The following COBLL1 variants were observed in gnomAD, a reference collection of about 807,000 sequenced individuals.
COBLL1 encodes the protein cordon-bleu protein-like 1.
Under a neutral mutation model 94.8 loss-of-function variants are expected in COBLL1, and 50 were observed. The ratio of observed to expected loss-of-function variants is 0.53; its 90% CI spans 0.42 to 0.67. The LOEUF (loss-of-function observed/expected upper bound fraction) is 0.67. Among genes scored for constraint, COBLL1 ranks in the 30% least tolerant of loss-of-function variants. The pLI, the probability that COBLL1 is intolerant of heterozygous loss-of-function variation, is 0.00. For synonymous variants in COBLL1, 448 were observed against 473.8 expected, an observed-to-expected ratio of 0.95 and a Z score of 0.71; for missense variants, 1,362 against 1,348.7, an observed-to-expected ratio of 1.01 and a Z score of -0.15.
At chr2:164,752,156 C>T (rs558007226) in intron 2 of COBLL1, among the ~76,000 whole-genome samples, 1 of 152,288 alleles carries the variant, frequency 6.6e-6, no homozygotes, top group South Asian at 2.1e-4. Context: ...GTATCAACAG[C>T]AGCTAATCCT....
intron 2 of COBLL1, among the ~76,000 whole-genome samples, chr2:164,789,354 T>G (rs544684743): frequency 6.6e-6 from 1 of 152,222 alleles, no homozygotes; most frequent in Admixed American, 6.5e-5. Context: ...TCATGTGTGT[T>G]TAGCCAGATG....
At chr2:164,755,280 G>A (rs1687340640) in intron 2 of COBLL1, among the ~76,000 whole-genome samples, 1 of 152,176 alleles carries the variant, frequency 6.6e-6, no homozygotes, top group South Asian at 2.1e-4. Flanking sequence ...CACAATGCAG[G>A]AGTGAAATAC....
In COBLL1 at chr2:164,817,534, G is replaced by A. The variant is rs192809411; in HGVS notation, c.41+23622C>T. On this transcript the variant is annotated intron_variant, in intron 2 of 13. Transcript: ENST00000652658. ...TGCCAAGCCTGTACGTTCTCCTCAC[G>A]CTACGTTACTCCTCAATCTCCAACA... Among the ~76,000 whole-genome samples, 7 of 152,102 alleles carry A rather than the reference G, an allele frequency of 4.6e-5. No individual in the cohort carries two copies. The East Asian group carries it at 1.4e-3, about 29-fold the overall frequency.
intron 7 of COBLL1, among the ~76,000 whole-genome samples, chr2:164,709,152 C>G (rs185165246): frequency 6.6e-6 from 1 of 152,162 alleles, no homozygotes; most frequent in African/African-American, 2.4e-5. Context: ...TTTTGTAAAA[C>G]AGAGTATTTA....
chr2:164,827,846 C>T (rs1434909301), intron 2 of COBLL1, among the ~76,000 whole-genome samples: 1 of 152,148 alleles, frequency 6.6e-6, no homozygotes, highest in African/African-American at 2.4e-5. Flanking sequence ...TGTTAAACAA[C>T]CTTGCCCGTG....
intron 2 of COBLL1, among the ~76,000 whole-genome samples, chr2:164,839,868 G>T (rs1199581970): frequency 6.6e-6 from 1 of 152,182 alleles, no homozygotes; most frequent in Non-Finnish European, 1.5e-5. Context: ...CCTGGGGAAA[G>T]AAAAGAAATG....
Position 164,692,414 on chromosome 2 carries a change from G to A in COBLL1, c.3124-17C>T. 6.4e-7 allele frequency: 1 copy of A among 1,574,328 alleles called. No individual in the cohort carries two copies. Among genetic ancestry groups the A allele is most frequent in the Non-Finnish European group, 8.6e-7 (1 of 1,158,256 alleles). On this transcript the variant is annotated splice_polypyrimidine_tract_variant and intron_variant, in intron 12 of 13. Coordinates refer to ENST00000652658, the MANE Select transcript of COBLL1 (RefSeq NM_001365672.2). ...GTTATTTTCCTACAAAAATAAATGT[G>A]AAATATTTATATGAATGCCAAGAAA...
rs555647970 is a variant in COBLL1 at position 164,772,456 on chromosome 2, C to T, written c.42-28581G>A. On this transcript the variant is annotated intron_variant, in intron 2 of 13. Transcript: ENST00000652658. ...ACATTTTAGATACATCTGATAATAG[C>T]AAGTAGATTTTTAATTTGAACATTA... Among the ~76,000 whole-genome samples the T allele has an allele frequency of 1.1e-3, 164 of 152,076 alleles. 4 individuals are homozygous for T. Among genetic ancestry groups the T allele is most frequent in the Admixed American group, 0.011 (163 of 15,252 alleles).
At position 164,704,457 on chromosome 2, in the gene COBLL1, C is replaced by T; in HGVS notation, c.1212G>A (p.Glu404=). 6.2e-7 allele frequency: 1 copy of T among 1,611,410 alleles called. No homozygotes were observed. Among genetic ancestry groups the T allele is most frequent in the African/African-American group, 1.3e-5 (1 of 74,986 alleles). Reference sequence around the variant, plus strand: ...AGGGTGTCATACCTGGGCTGGATAGCTCCTCAGGAGAGTTTGCTTCTGAAG... The same window carrying T: ...AGGGTGTCATACCTGGGCTGGATAGTTCCTCAGGAGAGTTTGCTTCTGAAG... ...DSASEANSPE[E]LSSPAGISSD... The change falls in exon 9 of 14, where the codon GAG becomes GAA. Residue 404 remains glutamate (E), a synonymous_variant. Transcript: ENST00000652658.
At chr2:164,818,756 G>T (rs1010873587) in intron 2 of COBLL1, among the ~76,000 whole-genome samples, 8 of 138,002 alleles carry the variant, frequency 5.8e-5, no homozygotes, top group Non-Finnish European at 9.1e-5. Flanking sequence ...GTATATATAT[G>T]TACTTATGTA....
chr2:164,797,605 G>A (rs1015295926), intron 2 of COBLL1, among the ~76,000 whole-genome samples: 1 of 151,876 alleles, frequency 6.6e-6, no homozygotes, highest in Non-Finnish European at 1.5e-5. Context: ...CCATGTACCC[G>A]GTCCTGCTTC....
At chr2:164,825,795 G>T (rs890257995) in intron 2 of COBLL1, among the ~76,000 whole-genome samples, 5 of 152,162 alleles carry the variant, frequency 3.3e-5, no homozygotes, top group African/African-American at 1.2e-4. Context: ...AAGTGATGTG[G>T]TTGCAGTCAT....
intron 9 of COBLL1, 21 bp downstream of exon 9, chr2:164,704,423 T>C (rs1389389227): frequency 2.0e-5 from 31 of 1,513,808 alleles, no homozygotes; most frequent in Non-Finnish European, 2.8e-5. Flanking sequence ...AATTACACCA[T>C]GTAGAATAAG....
Position 164,805,337 on chromosome 2 carries a change from C to CTATATATATATATA in COBLL1, c.41+35805_41+35818dup, listed in dbSNP as rs71028444. On this transcript the variant is annotated intron_variant, in intron 2 of 13. Transcript: ENST00000652658. ...TCTCTCTCTCTCTCTCTCTCTCTCTCTATATATATATATATATATATATAT... is the reference window on the plus strand; with the variant it reads ...TCTCTCTCTCTCTCTCTCTCTCTCTCTATATATATATATATATATATATATATATATATATATAT... 7.5e-3 allele frequency among the ~76,000 whole-genome samples: 127 copies of CTATATATATATATA among 16,962 alleles called. 5 individuals carry two copies. The highest frequency in any genetic ancestry group is 0.01 in the African/African-American group (44 of 4,312). The allele number at this position is 16,962 out of a possible 152,430, so 11.1% of individuals were successfully genotyped here. A position where few individuals can be genotyped will look rare whatever the true frequency, so the allele number is the denominator to read the frequency against.
intron 1 of COBLL1, among the ~76,000 whole-genome samples, chr2:164,673,716 C>T (rs926252922): frequency 6.6e-6 from 1 of 152,044 alleles, no homozygotes; most frequent in East Asian, 1.9e-4. Context: ...AGTGAATTCA[C>T]TTCACAGGAA....
intron 3 of COBLL1, among the ~76,000 whole-genome samples, chr2:164,733,956 G>A (rs1055201463): frequency 3.9e-5 from 6 of 152,218 alleles, no homozygotes; most frequent in African/African-American, 1.4e-4. Context: ...ATTCTAACAC[G>A]CTGGTTCTCA....
rs1685502323 is a variant in COBLL1, at chr2:164,722,485, C to T, written c.699G>A (p.Lys233=). 2 of 1,524,194 alleles carry T rather than the reference C, an allele frequency of 1.3e-6. No individual in the cohort carries two copies. The highest frequency in any genetic ancestry group is 1.8e-6 in the Non-Finnish European group (2 of 1,139,318). The allele number at this position is 1,524,194 out of a possible 1,614,324, so 94.4% of individuals were successfully genotyped here. A position where few individuals can be genotyped will look rare whatever the true frequency, so the allele number is the denominator to read the frequency against. ...TGAAAAACCCTTTATTTTCTTTCTC[C>T]TTCATAATATCTAGGTTTTGTGATA... ...CQISQNLDIM[K]EKENKGFFSF... is the part of the protein sequence containing the mutation. Residue 233 remains lysine, a synonymous_variant, in exon 6 of 14, where the codon AAG becomes AAA. Transcript: ENST00000652658.
chr2:164,753,624 G>A (rs756933680), intron 2 of COBLL1, among the ~76,000 whole-genome samples: 1 of 152,034 alleles, frequency 6.6e-6, no homozygotes, highest in Non-Finnish European at 1.5e-5. Context: ...CATAATTAGT[G>A]TGACTGAGGG....
chr2:164,814,982 TA>T (rs1684647329), intron 2 of COBLL1, among the ~76,000 whole-genome samples: 1 of 152,140 alleles, frequency 6.6e-6, no homozygotes, highest in Non-Finnish European at 1.5e-5. Context: ...TAAGTTAACT[TA>T]CCGTGTTGAC....
Sources: gnomAD v4.1 joint callset for allele counts (sites outside exome capture counted in the v4.1 genomes callset) on GRCh38, gnomAD v4.1.1 for gene constraint, MANE v1.5 for transcripts, NCBI Gene and HGNC (gene_info 2026-07-23, HGNC 2026-07-21) for gene names.